TMEM187: variants seen among roughly 807,000 people sequenced by gnomAD.
TMEM187 encodes transmembrane protein 187.
In TMEM187, 14 loss-of-function variants were observed where a neutral mutation model predicts 11.8. The observed-to-expected ratio is 1.18, with a 90% CI of 0.78 to 1.85. The LOEUF (loss-of-function observed/expected upper bound fraction) is 1.85, where lower values mean the gene tolerates loss of function less well. TMEM187 is among the 40% of genes most tolerant of loss of function. The probability of loss-of-function intolerance (pLI) is 0.00; values close to 1 mark genes in which losing one functional copy is unlikely to be tolerated. For synonymous variants in TMEM187, 112 were observed against 118.5 expected (o/e 0.95, Z 0.36); for missense variants, 227 against 243.9 (o/e 0.93, Z 0.46).
rs1330072998 is a variant in TMEM187, at chrX:153,981,936, G to C, written c.-127G>C. 1 of 1,139,220 alleles carries C rather than the reference G, an allele frequency of 8.8e-7. No individual in the cohort carries two copies. The highest frequency in any genetic ancestry group is 1.2e-6 in the Non-Finnish European group (1 of 848,059). 93.9% of individuals were successfully genotyped at this position (1,139,220 alleles called of 1,213,427 possible). ...GGGGCAAGGTCGCAGCATCTGCCTC[G>C]GAAATCACGAAATCACGGGGCTTCT... On this transcript the variant is annotated 5_prime_UTR_variant, in exon 2 of 2. Transcript: ENST00000369982.
At chrX:153,979,976 A>T (rs1569547214) in intron 1 of TMEM187, among the ~76,000 whole-genome samples, 1 of 108,490 alleles carries the variant, frequency 9.2e-6, no homozygotes, top group Non-Finnish European at 1.9e-5. Flanking sequence ...TGACCTCGTG[A>T]TCCACCCGCC....
intron 1 of TMEM187, among the ~76,000 whole-genome samples, chrX:153,979,694 G>A (rs1333790790): frequency 1.9e-5 from 2 of 104,349 alleles, no homozygotes; most frequent in East Asian, 3.2e-4. Flanking sequence ...CCAAGAGTTC[G>A]AGACCAGGCT....
chrX:153,978,264 A>G (rs1260550239), intron 1 of TMEM187, among the ~76,000 whole-genome samples: 2 of 94,176 alleles, frequency 2.1e-5, no homozygotes, highest in Non-Finnish European at 4.0e-5. Flanking sequence ...TGGTCTGCAT[A>G]TACAGATACT....
At position 153,982,990 on chromosome X, in the gene TMEM187, G is replaced by A. The variant is rs2065612059; in HGVS notation, c.*142G>A. The A allele has an allele frequency of 3.5e-6, 4 of 1,130,288 alleles. No individual in the cohort carries two copies. The highest frequency in any genetic ancestry group is 3.2e-5 in the East Asian group (1 of 30,785). 93.1% of individuals were successfully genotyped at this position (1,130,288 alleles called of 1,213,427 possible). A position where few individuals can be genotyped will look rare whatever the true frequency, so the allele number is the denominator to read the frequency against. On this transcript the variant is annotated 3_prime_UTR_variant, in exon 2 of 2. Transcript: ENST00000369982. ...AGACTGCCCTTTCCTGAGAAGCTGC[G>A]GGCTTCGGTGTGGAGGGGTGGAGTG...
rs1557122842 is a variant in TMEM187 at position 153,982,744 on chromosome X, T to C, written c.682T>C (p.Trp228Arg). The change falls in exon 2 of 2, where the codon TGG becomes CGG. Residue 228 changes from tryptophan (W) to arginine (R), a missense_variant. Coordinates refer to ENST00000369982, the MANE Select transcript of TMEM187 (RefSeq NM_003492.3). ...CTTCCAGTGCCTCACAGGCCACTTC[T>C]GGTCCAAGGTCTGTGACGTGCTCCA... ...RLFQCLTGHFWSKVCDVLQFH... is the reference protein window; with the variant it reads ...RLFQCLTGHFRSKVCDVLQFH... The C allele has an allele frequency of 8.2e-7, 1 of 1,212,504 alleles. No homozygotes were observed. Among genetic ancestry groups the C allele is most frequent in the Non-Finnish European group, 1.1e-6 (1 of 895,698 alleles).
chrX:153,975,105 C>T (rs781982814), intron 1 of TMEM187, among the ~76,000 whole-genome samples: 1 of 111,863 alleles, frequency 8.9e-6, no homozygotes, highest in Non-Finnish European at 1.9e-5. Context: ...CAAAAATAAA[C>T]AGTGCTTGTC....
At chrX:153,981,313 T>C (rs1212992282) in intron 1 of TMEM187, 1 of 113,012 alleles carries the variant, frequency 8.8e-6, no homozygotes, top group African/African-American at 3.3e-5. Flanking sequence ...GGAAAGAAGG[T>C]GATTTGGGGC....
chrX:153,973,734 G>A (rs1569547154), intron 1 of TMEM187, among the ~76,000 whole-genome samples: 1 of 112,128 alleles, frequency 8.9e-6, no homozygotes, highest in Non-Finnish European at 1.9e-5. Flanking sequence ...GGTTTCCAAG[G>A]GCCTTGCCTG....
intron 1 of TMEM187, among the ~76,000 whole-genome samples, chrX:153,975,132 A>G (rs2065572577): frequency 9.0e-6 from 1 of 111,049 alleles, no homozygotes; most frequent in South Asian, 3.8e-4. Flanking sequence ...ATCATTTGCA[A>G]ATATTTTCTC....
intron 1 of TMEM187, among the ~76,000 whole-genome samples, chrX:153,974,987 T>A (rs2065572082): frequency 1.8e-5 from 2 of 111,939 alleles, no homozygotes; most frequent in South Asian, 7.4e-4. Context: ...TATAATTGAA[T>A]TGAAATTGAG....
At chrX:153,977,270 TCATTATA>T (rs1266439526) in intron 1 of TMEM187, among the ~76,000 whole-genome samples, 1 of 112,281 alleles carries the variant, frequency 8.9e-6, no homozygotes, top group Non-Finnish European at 1.9e-5. Context: ...CCTTGTTTGA[TCATTATA>T]CATTATATAC....
chrX:153,980,934 G>C (rs1483248195), intron 1 of TMEM187, among the ~76,000 whole-genome samples: 1 of 105,224 alleles, frequency 9.5e-6, no homozygotes, highest in African/African-American at 3.5e-5. Flanking sequence ...AAAAAAAAAA[G>C]GTGCACAAAC....
Position 153,982,018 on chromosome X carries a change from C to G in TMEM187, c.-45C>G. 8.3e-7 allele frequency: 1 copy of G among 1,211,542 alleles called. No homozygotes were observed. Among genetic ancestry groups the G allele is most frequent in the Non-Finnish European group, 1.1e-6 (1 of 895,486 alleles). On this transcript the variant is annotated 5_prime_UTR_variant, in exon 2 of 2. Coordinates refer to ENST00000369982, the MANE Select transcript of TMEM187 (RefSeq NM_003492.3). Reference sequence around the variant, plus strand: ...TTCTGCAGAGGCTGCGTATTGAAGGCTGCTCTCTGAAGCTCCCTGCCCCAG... The same window carrying G: ...TTCTGCAGAGGCTGCGTATTGAAGGGTGCTCTCTGAAGCTCCCTGCCCCAG...
chrX:153,982,186 G>A lies in TMEM187; in HGVS notation c.124G>A (p.Glu42Lys), dbSNP rs141790051. Residue 42 changes from glutamate (E) to lysine (K), a missense_variant, in exon 2 of 2, where the codon GAG (glutamate) becomes AAG (lysine). Physicochemically the swap from Glu to Lys is moderately conservative, Grantham distance 56. Transcript: ENST00000369982. ...SVQVGYEHYA[E>K]APVAGLPAFL... is the part of the protein sequence containing the mutation. ...GCAAGTGGGCTATGAGCACTACGCC[G>A]AGGCGCCCGTGGCCGGCCTCCCTGC... 5.0e-5 allele frequency: 60 copies of A among 1,211,625 alleles called. No homozygotes were observed. The East Asian group carries it at 8.9e-4, about 18-fold the overall frequency.
chrX:153,980,471 G>A (rs990794535), intron 1 of TMEM187: 20 of 112,279 alleles, frequency 1.8e-4, no homozygotes, highest in African/African-American at 5.8e-4. Flanking sequence ...GCCAGGAGGC[G>A]GCATGCCTGG....
Position 153,982,820 on chromosome X carries a change from T to A in TMEM187, c.758T>A (p.Phe253Tyr), listed in dbSNP as rs374194187. The A allele has an allele frequency of 1.3e-5, 16 of 1,210,609 alleles. No homozygotes were observed. The highest frequency in any genetic ancestry group is 2.2e-5 in the Admixed American group (1 of 45,812). The change falls in exon 2 of 2, where the codon TTC becomes TAC. Residue 253 changes from phenylalanine to tyrosine, a missense_variant. Physicochemically the swap from Phe to Tyr is conservative, Grantham distance 22. Transcript: ENST00000369982. ...FLTHFNTHPRFHPSGGKTR is the reference protein window; with the variant it reads ...FLTHFNTHPRYHPSGGKTR ...ACGCATTTCAACACTCACCCAAGAT[T>A]CCATCCCTCTGGCGGGAAGACGCGT...
Position 153,982,875 on chromosome X carries a change from G to A in TMEM187, c.*27G>A, listed in dbSNP as rs113361136. The A allele has an allele frequency of 1.2e-5, 15 of 1,210,107 alleles. No individual in the cohort carries two copies. Among genetic ancestry groups the A allele is most frequent in the African/African-American group, 1.0e-4 (6 of 57,294 alleles). On this transcript the variant is annotated 3_prime_UTR_variant, in exon 2 of 2. Coordinates refer to ENST00000369982, the MANE Select transcript of TMEM187 (RefSeq NM_003492.3). ...CCCAGGGAAGAACCTGCTGAAAACC[G>A]ATGACCCCCAGCATTGAAATGGACT...
At chrX:153,977,369 C>T (rs1487700575) in intron 1 of TMEM187, among the ~76,000 whole-genome samples, 3 of 111,532 alleles carry the variant, frequency 2.7e-5, no homozygotes. Flanking sequence ...AATCCCGGCA[C>T]TTTGGGAGGC....
intron 1 of TMEM187, among the ~76,000 whole-genome samples, chrX:153,978,797 GTTT>G: frequency 1.6e-5 from 1 of 61,660 alleles, no homozygotes; most frequent in Admixed American, 2.0e-4. Flanking sequence ...GTTTTGTTTT[GTTT>G]TTCTGAGATG....
Sources: gnomAD v4.1 joint callset for allele counts (sites outside exome capture counted in the v4.1 genomes callset) on GRCh38, gnomAD v4.1.1 for gene constraint, MANE v1.5 for transcripts, NCBI Gene and HGNC (gene_info 2026-07-23, HGNC 2026-07-21) for gene names.